The following LY96 variants were observed in gnomAD, a reference collection of about 807,000 sequenced individuals.
LY96 encodes the protein myeloid differentiation protein-2.
LY96 carries 18 observed loss-of-function variants against 18.9 expected under a neutral mutation model. The ratio of observed to expected loss-of-function variants is 0.95; its 90% confidence interval spans 0.66 to 1.41. The LOEUF (loss-of-function observed/expected upper bound fraction) is 1.41, where lower values mean the gene tolerates loss of function less well. Among genes scored for constraint, LY96 ranks in the 40% most tolerant of loss-of-function variants. The pLI, the probability that LY96 is intolerant of heterozygous loss-of-function variation, is 0.00. For missense variants in LY96, 175 were observed against 182.4 expected, an observed-to-expected ratio of 0.96 and a Z score of 0.23; for synonymous variants, 66 against 62.6, an observed-to-expected ratio of 1.06 and a Z score of -0.26.
intron 2 of LY96, among the ~76,000 whole-genome samples, chr8:74,005,193 CAGTATTCAGTTGTT>C (rs1485113438): frequency 6.6e-6 from 1 of 152,182 alleles, no homozygotes; most frequent in Non-Finnish European, 1.5e-5. Flanking sequence ...TAGCTGTTGT[CAGTATTCAGTTGTT>C]AGTATTCAGT....
intron 1 of LY96, among the ~76,000 whole-genome samples, chr8:74,002,060 TTCC>T (rs1816296606): frequency 7.1e-5 from 3 of 42,150 alleles, no homozygotes; most frequent in African/African-American, 1.6e-4. Context: ...CCTTCCTTCC[TTCC>T]TTCCTTCCTT....
At chr8:74,086,217 A>G in the LY96 span, among the ~76,000 whole-genome samples, 2 of 152,038 alleles carry the variant, frequency 1.3e-5, no homozygotes, top group Non-Finnish European at 2.9e-5. Flanking sequence ...TGATCTTTCT[A>G]CCTAACATAG....
At chr8:74,008,087 C>G (rs1428052153) in intron 2 of LY96, among the ~76,000 whole-genome samples, 1 of 152,108 alleles carries the variant, frequency 6.6e-6, no homozygotes, top group Admixed American at 6.6e-5. Flanking sequence ...ACTCCAACAC[C>G]CATATTGACA....
chr8:73,993,141 G>A (rs79375163), intron 1 of LY96, among the ~76,000 whole-genome samples: 37 of 151,880 alleles, frequency 2.4e-4, no homozygotes, highest in African/African-American at 8.0e-4. Context: ...GATTACAGGC[G>A]TGTGCCACCT....
At chr8:74,011,181 A>G (rs1175886884) in intron 3 of LY96, among the ~76,000 whole-genome samples, 1 of 152,202 alleles carries the variant, frequency 6.6e-6, no homozygotes, top group African/African-American at 2.4e-5. Context: ...GGATTGCCAT[A>G]TGCAGAAGAA....
intron 1 of LY96, among the ~76,000 whole-genome samples, chr8:73,996,450 A>G (rs1816149136): frequency 1.9e-5 from 2 of 104,080 alleles, no homozygotes; most frequent in South Asian, 6.3e-4. Context: ...TTTCTGAGAC[A>G]GAGTCTTGCT....
At chr8:74,040,182 A>G in the LY96 span, among the ~76,000 whole-genome samples, 1 of 152,366 alleles carries the variant, frequency 6.6e-6, no homozygotes, top group South Asian at 2.1e-4. Flanking sequence ...ATTAAAAGCT[A>G]ATGATTAATA....
At chr8:74,001,791 T>C (rs1284819864) in intron 1 of LY96, among the ~76,000 whole-genome samples, 2 of 152,118 alleles carry the variant, frequency 1.3e-5, no homozygotes, top group African/African-American at 4.8e-5. Flanking sequence ...TGAGCTATGA[T>C]TGCATCACTG....
intron 1 of LY96, among the ~76,000 whole-genome samples, chr8:74,004,403 C>T (rs1338631140): frequency 6.6e-6 from 1 of 152,132 alleles, no homozygotes; most frequent in African/African-American, 2.4e-5. Flanking sequence ...ATGGGTGGAG[C>T]TAGGAGCTGG....
At chr8:74,052,684 C>T in the LY96 span, 3 of 152,020 alleles carry the variant, frequency 2.0e-5, no homozygotes, top group African/African-American at 4.8e-5. Flanking sequence ...TAGAAATGCA[C>T]CTAGGAAGTA....
chr8:74,002,821 G>A (rs1224766451), intron 1 of LY96, among the ~76,000 whole-genome samples: 1 of 152,006 alleles, frequency 6.6e-6, no homozygotes, highest in East Asian at 1.9e-4. Flanking sequence ...TGATCTGCCC[G>A]CCTCGGCCTC....
downstream of LY96, among the ~76,000 whole-genome samples, chr8:74,029,728 C>T (rs147893820): frequency 0.021 from 3,133 of 152,184 alleles, 121 homozygotes; most frequent in Admixed American, 0.078. Flanking sequence ...GGCACCATCT[C>T]GGCTCACTGC....
chr8:74,007,187 G>A (rs1816431693), intron 2 of LY96, among the ~76,000 whole-genome samples: 1 of 152,170 alleles, frequency 6.6e-6, no homozygotes, highest in African/African-American at 2.4e-5. Context: ...TTGCAGTGCT[G>A]GATCATTATA....
At chr8:74,005,772 T>A (rs1283232667) in intron 2 of LY96, among the ~76,000 whole-genome samples, 1 of 152,184 alleles carries the variant, frequency 6.6e-6, no homozygotes, top group Non-Finnish European at 1.5e-5. Context: ...ACACAAAACT[T>A]TTTCCTCTCC....
At chr8:74,063,483 A>G in the LY96 span, among the ~76,000 whole-genome samples, 3 of 152,120 alleles carry the variant, frequency 2.0e-5, no homozygotes, top group Admixed American at 2.0e-4. Context: ...TTTTTTATAT[A>G]TTCTGGACAA....
At chr8:74,075,223 A>T in the LY96 span, among the ~76,000 whole-genome samples, 2 of 152,190 alleles carry the variant, frequency 1.3e-5, no homozygotes, top group Non-Finnish European at 2.9e-5. Flanking sequence ...TGACCCCTTT[A>T]TTATTATATA....
the LY96 span, among the ~76,000 whole-genome samples, chr8:74,060,010 G>T: frequency 1.4e-4 from 22 of 152,144 alleles, no homozygotes; most frequent in Non-Finnish European, 1.6e-4. Flanking sequence ...GTGGTGGTGT[G>T]CACGAGTGGT....
the LY96 span, among the ~76,000 whole-genome samples, chr8:74,095,781 C>T: frequency 6.6e-6 from 1 of 152,186 alleles, no homozygotes; most frequent in Non-Finnish European, 1.5e-5. Flanking sequence ...TTTTCTCTGC[C>T]TTCCACATGC....
intron 2 of LY96, among the ~76,000 whole-genome samples, chr8:74,006,570 T>C (rs1277323225): frequency 6.6e-6 from 1 of 152,198 alleles, no homozygotes; most frequent in Non-Finnish European, 1.5e-5. Flanking sequence ...TAGTATGGTA[T>C]AAGTGAAGTG....
Sources: gnomAD v4.1 joint callset for allele counts (sites outside exome capture counted in the v4.1 genomes callset) on GRCh38, gnomAD v4.1.1 for gene constraint, MANE v1.5 for transcripts, NCBI Gene and HGNC (gene_info 2026-07-23, HGNC 2026-07-21) for gene names.